IFT88: variants seen among roughly 807,000 people sequenced by gnomAD.
IFT88 encodes the protein intraflagellar transport 88, also known as intraflagellar transport protein 88 homolog.
In IFT88, 74 loss-of-function variants were observed where a neutral mutation model predicts 119.5. The observed-to-expected ratio is 0.62, with a 90% confidence interval of 0.51 to 0.75. The LOEUF is 0.75. Ranked by LOEUF, IFT88 falls within the 30% of genes least tolerant of loss-of-function variation. The pLI is 0.00. For synonymous variants in IFT88, 279 were observed against 316.7 expected, an observed-to-expected ratio of 0.88 and a Z score of 1.26; for missense variants, 961 against 977.7, an observed-to-expected ratio of 0.98 and a Z score of 0.23.
intron 22 of IFT88, chr13:20,663,212 T>A: frequency 1.5e-6 from 2 of 1,351,736 alleles, no homozygotes; most frequent in South Asian, 1.3e-5. Flanking sequence ...AAATGTTACA[T>A]TTGCCTTCTA....
intron 21 of IFT88, among the ~76,000 whole-genome samples, chr13:20,655,348 C>T (rs924376823): frequency 2.6e-5 from 4 of 151,096 alleles, no homozygotes; most frequent in South Asian, 2.1e-4. Flanking sequence ...AGGAGAATCA[C>T]TTGAAGCCAG....
chr13:20,658,117 A>G (rs375377799), intron 22 of IFT88, among the ~76,000 whole-genome samples: 1 of 148,670 alleles, frequency 6.7e-6, no homozygotes, highest in Non-Finnish European at 1.5e-5. Flanking sequence ...TTTTTTTGAG[A>G]TGGAGTTTTC....
chr13:20,578,165 C>G (rs1231651788), intron 2 of IFT88, among the ~76,000 whole-genome samples: 1 of 150,518 alleles, frequency 6.6e-6, no homozygotes, highest in Non-Finnish European at 1.5e-5. Context: ...TTGCCTCAGC[C>G]TCCCGAGTAG....
At chr13:20,570,314 T>A (rs1483628510) in intron 1 of IFT88, among the ~76,000 whole-genome samples, 1 of 152,240 alleles carries the variant, frequency 6.6e-6, no homozygotes, top group African/African-American at 2.4e-5. Context: ...ACAGTCTAGC[T>A]GTTCCTCCAA....
intron 22 of IFT88, 107 bp from the exon 23 acceptor site, chr13:20,663,391 G>A (rs1284585086): frequency 1.9e-6 from 3 of 1,543,324 alleles, no homozygotes; most frequent in South Asian, 2.4e-5. Context: ...CTATTTGTAA[G>A]CATCATTCCT....
At chr13:20,654,032 C>T (rs2052295332) in intron 21 of IFT88, 104 bp downstream of exon 21, 6 of 543,622 alleles carry the variant, frequency 1.1e-5, no homozygotes, top group South Asian at 1.0e-4. Context: ...TATTAAAATA[C>T]TAACTTTTTA....
chr13:20,577,507 T>C (rs901254491), intron 2 of IFT88, among the ~76,000 whole-genome samples: 1 of 152,226 alleles, frequency 6.6e-6, no homozygotes, highest in Non-Finnish European at 1.5e-5. Flanking sequence ...TACATGACTT[T>C]TTTCACGTTG....
intron 13 of IFT88, among the ~76,000 whole-genome samples, chr13:20,614,083 T>C (rs914262850): frequency 2.0e-5 from 3 of 152,210 alleles, no homozygotes; most frequent in African/African-American, 7.2e-5. Context: ...GACTTTATAT[T>C]GGGTGAGCTG....
intron 14 of IFT88, 109 bp downstream of exon 14, chr13:20,615,988 A>G (rs1177175126): frequency 1.1e-5 from 6 of 539,580 alleles, no homozygotes; most frequent in African/African-American, 2.0e-5. Context: ...ATGTTGATTC[A>G]TATTTATCAA....
chr13:20,667,408 C>G (rs928093127), intron 23 of IFT88, among the ~76,000 whole-genome samples: 1 of 152,294 alleles, frequency 6.6e-6, no homozygotes, highest in East Asian at 1.9e-4. Context: ...CTGTGTGAGA[C>G]AGGACCCTCG....
chr13:20,656,288 C>T, intron 21 of IFT88, 77 bp from the exon 22 acceptor site: 1 of 536,840 alleles, frequency 1.9e-6, no homozygotes, highest in Non-Finnish European at 3.2e-6. Context: ...GCCAGTATAT[C>T]AGTTAAAATT....
intron 14 of IFT88, 133 bp downstream of exon 14, chr13:20,616,012 T>C (rs981284704): frequency 4.1e-6 from 2 of 489,710 alleles, no homozygotes; most frequent in African/African-American, 4.0e-5. Context: ...GATAATATTG[T>C]ATGTTCAGAT....
chr13:20,598,799 A>C (rs377379811), intron 10 of IFT88, 46 bp downstream of exon 10: 350 of 1,124,206 alleles, frequency 3.1e-4, no homozygotes, highest in Non-Finnish European at 4.4e-4. Flanking sequence ...ATTCTTTCGT[A>C]GTGTTAATTT....
intron 1 of IFT88, among the ~76,000 whole-genome samples, chr13:20,572,600 A>G (rs909273121): frequency 1.3e-5 from 2 of 152,224 alleles, no homozygotes; most frequent in Non-Finnish European, 2.9e-5. Context: ...TATCAATTAT[A>G]TAGTTCAATA....
At chr13:20,633,511 A>G (rs1219772463) in intron 16 of IFT88, among the ~76,000 whole-genome samples, 1 of 152,232 alleles carries the variant, frequency 6.6e-6, no homozygotes, top group South Asian at 2.1e-4. Flanking sequence ...GGGCAAGTCC[A>G]TGGCGTGAAG....
At chr13:20,614,303 A>C (rs140603394) in intron 13 of IFT88, 2 of 152,204 alleles carry the variant, frequency 1.3e-5, no homozygotes, top group Non-Finnish European at 2.9e-5. Context: ...CTTATTTCGT[A>C]TGTTTTTGTG....
chr13:20,674,304 T>C (rs1013890743), intron 24 of IFT88, among the ~76,000 whole-genome samples: 1 of 152,196 alleles, frequency 6.6e-6, no homozygotes, highest in Non-Finnish European at 1.5e-5. Context: ...ATTCTGTCCA[T>C]TGTTTTGGTT....
At chr13:20,602,890 A>G (rs1370047781) in intron 12 of IFT88, among the ~76,000 whole-genome samples, 2 of 152,124 alleles carry the variant, frequency 1.3e-5, no homozygotes, top group Non-Finnish European at 2.9e-5. Context: ...CTTGAAAAAA[A>G]AAAAGTGAAA....
chr13:20,609,558 T>C (rs2044103675), intron 13 of IFT88, among the ~76,000 whole-genome samples: 1 of 151,902 alleles, frequency 6.6e-6, no homozygotes, highest in South Asian at 2.1e-4. Context: ...GCCTGGCCAA[T>C]GTGGTGAAAT....
Sources: allele counts gnomAD v4.1 joint callset (sites outside exome capture counted in the v4.1 genomes callset), GRCh38; gene constraint gnomAD v4.1.1; transcripts MANE v1.5; gene names NCBI Gene and HGNC (gene_info 2026-07-23, HGNC 2026-07-21).